LRP2: variants seen among roughly 807,000 people sequenced by gnomAD.
LRP2 encodes low-density lipoprotein receptor-related protein 2.
LRP2 carries 172 observed loss-of-function variants against 531.0 expected under a neutral mutation model. That is an observed-to-expected ratio of 0.32 (90% confidence interval 0.29 to 0.37). LRP2 has a LOEUF of 0.37. LRP2 is among the 10% of genes least tolerant of loss of function. The pLI is 1.00. For synonymous variants in LRP2, 1,992 were observed against 2,027.6 expected (o/e 0.98, Z 0.47); for missense variants, 5,167 against 5,868.3 (o/e 0.88, Z 3.90).
At position 169,137,391 on chromosome 2, in the gene LRP2, C is replaced by A. The variant is rs745765868; in HGVS notation, c.13620+1G>T. 11 of 1,605,364 alleles carry A rather than the reference C, an allele frequency of 6.9e-6. No homozygotes were observed. Among genetic ancestry groups the A allele is most frequent in the Non-Finnish European group, 9.4e-6 (11 of 1,172,190 alleles). On this transcript the variant is annotated splice_donor_variant, in intron 76 of 78. Transcript: ENST00000649046. LOFTEE classifies it high-confidence loss of function. ...AAAGAAAAGACTGTATGGTTTCTCA[C>A]CTGGATTGGCTGAACCACTTTGACA...
intron 43 of LRP2, 141 bp downstream of exon 43, chr2:169,202,615 A>G: frequency 1.2e-6 from 1 of 820,778 alleles, no homozygotes; most frequent in South Asian, 1.4e-5. Context: ...AGTCTGGATT[A>G]TCAGAGGAAA....
At chr2:169,139,640 C>G (rs771208867) in intron 72 of LRP2, 30 bp from the exon 73 acceptor site, 18 of 1,597,190 alleles carry the variant, frequency 1.1e-5, no homozygotes, top group Admixed American at 3.3e-5. Context: ...CATTCACTAG[C>G]TGTTATGTTC....
Position 169,202,921 on chromosome 2 carries a change from T to G in LRP2, c.8044A>C (p.Asn2682His). The change falls in exon 43 of 79, where the codon AAC becomes CAC. Residue 2682 changes from asparagine to histidine, a missense_variant. By Grantham distance (68) the Asn-to-His change is moderately conservative (BLOSUM62 1). Transcript: ENST00000649046. ...TTCCTGTTGTTGGCCAAATACCAGT[T>G]GCCCTCATGTGGACACTGGCACTCG... The part of the protein sequence containing the change: ...GAECQCPHEG[N>H]WYLANNRKHC... The G allele has an allele frequency of 1.2e-6, 2 of 1,614,216 alleles. No homozygotes were observed. Among genetic ancestry groups the G allele is most frequent in the Non-Finnish European group, 1.7e-6 (2 of 1,180,030 alleles).
At chr2:169,246,456 G>A (rs561951248) in intron 21 of LRP2, among the ~76,000 whole-genome samples, 30 of 152,080 alleles carry the variant, frequency 2.0e-4, no homozygotes, top group Non-Finnish European at 5.9e-5. Flanking sequence ...TGACTGCATT[G>A]GTCCAAACAG....
At chr2:169,357,195 G>A (rs10198558) in intron 1 of LRP2, among the ~76,000 whole-genome samples, 4 of 150,810 alleles carry the variant, frequency 2.7e-5, no homozygotes, top group East Asian at 1.9e-4. Flanking sequence ...CTCTAGATTC[G>A]TGCAGTCAAC....
At chr2:169,304,713 T>A (rs545177755) in intron 4 of LRP2, among the ~76,000 whole-genome samples, 3 of 152,162 alleles carry the variant, frequency 2.0e-5, no homozygotes, top group South Asian at 4.2e-4. Flanking sequence ...TGAAGGTAAA[T>A]CCAAAGTGGA....
intron 50 of LRP2, among the ~76,000 whole-genome samples, chr2:169,183,479 A>G (rs1227189679): frequency 6.6e-6 from 1 of 152,076 alleles, no homozygotes; most frequent in African/African-American, 2.4e-5. Context: ...TTAAAACATT[A>G]TATTATTTCA....
At chr2:169,298,049 G>A (rs900263350) in intron 4 of LRP2, among the ~76,000 whole-genome samples, 3 of 152,000 alleles carry the variant, frequency 2.0e-5, no homozygotes, top group African/African-American at 7.2e-5. Flanking sequence ...CAAGGTCCTA[G>A]AGTCATCCTT....
chr2:169,340,420 T>C (rs150213972), intron 1 of LRP2, among the ~76,000 whole-genome samples: 1 of 152,326 alleles, frequency 6.6e-6, no homozygotes, highest in Non-Finnish European at 1.5e-5. Flanking sequence ...AGGTGAACTA[T>C]GTGCTGAGCT....
At chr2:169,202,249 A>C (rs886782287) in intron 43 of LRP2, among the ~76,000 whole-genome samples, 3 of 152,178 alleles carry the variant, frequency 2.0e-5, no homozygotes, top group African/African-American at 7.2e-5. Context: ...ACTCCCTGAG[A>C]AAGTCCACTG....
At chr2:169,176,671 T>C (rs1687206794) in intron 53 of LRP2, 83 bp from the exon 54 acceptor site, 1 of 1,211,018 alleles carries the variant, frequency 8.3e-7, no homozygotes, top group Non-Finnish European at 1.2e-6. Flanking sequence ...ATCTTGACTT[T>C]AAACTCATCA....
intron 1 of LRP2, among the ~76,000 whole-genome samples, chr2:169,344,028 A>T (rs1157287268): frequency 6.6e-6 from 1 of 152,206 alleles, no homozygotes; most frequent in Non-Finnish European, 1.5e-5. Context: ...AACCTATATC[A>T]TCTGTCCTAC....
intron 48 of LRP2, among the ~76,000 whole-genome samples, chr2:169,190,045 C>T (rs1038170381): frequency 3.3e-5 from 5 of 152,126 alleles, no homozygotes; most frequent in African/African-American, 4.8e-5. Context: ...CACCTGCTAC[C>T]ATTCTTGTGC....
intron 68 of LRP2, among the ~76,000 whole-genome samples, chr2:169,149,946 A>T (rs1375343450): frequency 6.6e-6 from 1 of 152,222 alleles, no homozygotes; most frequent in Admixed American, 6.5e-5. Context: ...GGAAAAAATT[A>T]AACGGCACAC....
rs1689597240 is a variant in LRP2, at chr2:169,236,123, A to G, written c.4692-55T>C. ...GGGGACGTATTTAAATATTAAAAAT[A>G]ACTGTCATTTTAAATAATACAACAT... On this transcript the variant is annotated intron_variant, in intron 28 of 78. Transcript: ENST00000649046. 1.7e-5 allele frequency: 21 copies of G among 1,250,968 alleles called. No homozygotes were observed. In the South Asian group the frequency reaches 2.5e-4, roughly 15 times the overall value. The allele number at this position is 1,250,968 out of a possible 1,614,324, so 77.5% of individuals were successfully genotyped here. A position where few individuals can be genotyped will look rare whatever the true frequency, so the allele number is the denominator to read the frequency against.
At chr2:169,307,674 G>GT (rs905514608) in intron 3 of LRP2, among the ~76,000 whole-genome samples, 1 of 152,142 alleles carries the variant, frequency 6.6e-6, no homozygotes, top group African/African-American at 2.4e-5. Context: ...ATGGTAAAAA[G>GT]TTTAATGAAA....
intron 33 of LRP2, among the ~76,000 whole-genome samples, chr2:169,225,084 T>C (rs1274339617): frequency 6.6e-6 from 1 of 151,606 alleles, no homozygotes; most frequent in Non-Finnish European, 1.5e-5. Flanking sequence ...GAGTGAGACT[T>C]TGTCTAAAAA....
intron 63 of LRP2, among the ~76,000 whole-genome samples, chr2:169,157,746 C>T (rs149764143): frequency 7.6e-4 from 116 of 151,930 alleles, no homozygotes; most frequent in Admixed American, 1.4e-3. Flanking sequence ...ACATTATATG[C>T]AGCACTCCTA....
Position 169,241,193 on chromosome 2 carries a change from G to C in LRP2, c.3840C>G (p.Asn1280Lys), listed in dbSNP as rs767886006. ...GCCATGCCCTGTGGATGCAGTTTCC[G>C]TTGTCACAGTGGAAATATGATGAAG... Reference protein sequence around the residue: ...TCPSSYFHCDNGNCIHRAWLC... With the variant: ...TCPSSYFHCDKGNCIHRAWLC... The change falls in exon 25 of 79, where the codon AAC (asparagine) becomes AAG (lysine). Residue 1280 changes from asparagine (N) to lysine (K), a missense_variant. Physicochemically the swap from Asn to Lys is moderately conservative, Grantham distance 94. Transcript: ENST00000649046. 1 of 1,614,142 alleles carries C rather than the reference G, an allele frequency of 6.2e-7. No individual in the cohort carries two copies. The highest frequency in any genetic ancestry group is 1.7e-5 in the Admixed American group (1 of 60,008).
Sources: allele counts gnomAD v4.1 joint callset (sites outside exome capture counted in the v4.1 genomes callset), GRCh38; gene constraint gnomAD v4.1.1; transcripts MANE v1.5; gene names NCBI Gene and HGNC (gene_info 2026-07-23, HGNC 2026-07-21).